The following PRDM5 variants were observed in gnomAD, a reference collection of about 807,000 sequenced individuals.
The protein encoded by PRDM5 is PR domain zinc finger protein 5.
Under a neutral mutation model 81.2 loss-of-function variants are expected in PRDM5, and 56 were observed. The ratio of observed to expected loss-of-function variants is 0.69; its 90% CI spans 0.56 to 0.86. The LOEUF (loss-of-function observed/expected upper bound fraction) is 0.86. Among genes scored for constraint, PRDM5 ranks in the 40% least tolerant of loss-of-function variants. The probability of loss-of-function intolerance (pLI) is 0.00; values close to 1 mark genes in which losing one functional copy is unlikely to be tolerated. For synonymous variants in PRDM5, 267 were observed against 256.4 expected (o/e 1.04, Z -0.39); for missense variants, 697 against 770.1 (o/e 0.91, Z 1.12).
At chr4:120,708,636 T>C (rs895567556) in intron 15 of PRDM5, among the ~76,000 whole-genome samples, 1 of 152,124 alleles carries the variant, frequency 6.6e-6, no homozygotes, top group Non-Finnish European at 1.5e-5. Context: ...TTATATCATG[T>C]GAATTTCACC....
intron 2 of PRDM5, among the ~76,000 whole-genome samples, chr4:120,862,950 G>A (rs1423921619): frequency 6.6e-6 from 1 of 151,700 alleles, no homozygotes; most frequent in Admixed American, 6.6e-5. Context: ...CTTGAGCCCA[G>A]GAGTTCGAGA....
chr4:120,746,754 C>G (rs202023676), intron 14 of PRDM5, among the ~76,000 whole-genome samples: 30,432 of 129,730 alleles, frequency 0.23, 4,155 homozygotes, highest in Middle Eastern at 0.31. Context: ...ACACCAGTTA[C>G]AATGGCAATC....
chr4:120,816,819 T>A lies in PRDM5; in HGVS notation c.743+13A>T. 6.2e-7 allele frequency: 1 copy of A among 1,608,464 alleles called. No homozygotes were observed. Among genetic ancestry groups the A allele is most frequent in the Non-Finnish European group, 8.5e-7 (1 of 1,174,870 alleles). On this transcript the variant is annotated intron_variant, in intron 6 of 15. Transcript: ENST00000264808. The stretch of plus-strand genomic sequence containing the variant: ...AATTATATAACAGCCATTTCATAAC[T>A]CAGACACAAAACCTCGATGCTGAAC...
intron 15 of PRDM5, among the ~76,000 whole-genome samples, chr4:120,706,818 T>C (rs1177403036): frequency 6.7e-6 from 1 of 149,296 alleles, no homozygotes; most frequent in Non-Finnish European, 1.5e-5. Flanking sequence ...AACAAACTGG[T>C]AACCATGATT....
intron 3 of PRDM5, among the ~76,000 whole-genome samples, chr4:120,850,193 G>A (rs942738974): frequency 3.9e-5 from 6 of 151,992 alleles, no homozygotes; most frequent in Middle Eastern, 3.4e-3. Flanking sequence ...AGTCACAAAT[G>A]TTTCTCATTT....
rs57275042 is a variant in PRDM5, at chr4:120,815,237, T to G, written c.865+1216A>C. Among the ~76,000 whole-genome samples, 657 of 151,536 alleles carry G rather than the reference T, an allele frequency of 4.3e-3. 2 individuals carry two copies. The highest frequency in any genetic ancestry group is 0.015 in the African/African-American group (617 of 40,876). On this transcript the variant is annotated intron_variant, in intron 7 of 15. Coordinates refer to ENST00000264808, the MANE Select transcript of PRDM5 (RefSeq NM_018699.4). ...TACGAAGGCAAGTCTATCAAAAAGT[T>G]ATGCTTGCCTTTTGCAATCATAGGG...
chr4:120,794,476 T>C (rs993253118), intron 10 of PRDM5, among the ~76,000 whole-genome samples: 3 of 151,578 alleles, frequency 2.0e-5, no homozygotes, highest in African/African-American at 7.3e-5. Flanking sequence ...TTAAATTGTT[T>C]GGCTATGACC....
At chr4:120,707,437 C>G (rs1242536898) in intron 15 of PRDM5, among the ~76,000 whole-genome samples, 1 of 151,256 alleles carries the variant, frequency 6.6e-6, no homozygotes, top group Non-Finnish European at 1.5e-5. Context: ...GATTTCTCAA[C>G]AAAATAAAGG....
chr4:120,688,438 ACT>A (rs1733914038), downstream of PRDM5, among the ~76,000 whole-genome samples: 1 of 151,466 alleles, frequency 6.6e-6, no homozygotes, highest in African/African-American at 2.4e-5. Flanking sequence ...GTTGCTTCTC[ACT>A]CTGATTATTT....
rs1760905519 is a variant in PRDM5 at position 120,863,814 on chromosome 4, T to C, written c.178-10274A>G. 2.6e-5 allele frequency among the ~76,000 whole-genome samples: 4 copies of C among 152,106 alleles called. No individual in the cohort carries two copies. In the South Asian group the frequency reaches 8.3e-4, roughly 32 times the overall value. On this transcript the variant is annotated intron_variant, in intron 2 of 15. Transcript: ENST00000264808. ...TCCACTGTAGAGAAAATTATAACAA[T>C]GAAAGAATGGTAAAGTAACTTAGTC...
rs543222803 is a variant in PRDM5 at position 120,706,154 on chromosome 4, C to T, written c.1728+4155G>A. ...TCGCCCAAGATGGCGTGCAGTGGCA[C>T]GATCTTGGCTCACTGAAACCTTAAA... On this transcript the variant is annotated intron_variant, in intron 15 of 15. Coordinates refer to ENST00000264808, the MANE Select transcript of PRDM5 (RefSeq NM_018699.4). 5.3e-5 allele frequency among the ~76,000 whole-genome samples: 8 copies of T among 151,370 alleles called. No individual in the cohort carries two copies. In the South Asian group the frequency reaches 1.0e-3, roughly 20 times the overall value.
chr4:120,777,063 G>A (rs1748265713), intron 13 of PRDM5, 125 bp downstream of exon 13: 7 of 1,547,374 alleles, frequency 4.5e-6, no homozygotes, highest in Admixed American at 3.8e-5. Context: ...TGCTTTAAGA[G>A]AGAGAAAACA....
intron 3 of PRDM5, among the ~76,000 whole-genome samples, chr4:120,831,331 C>A (rs538349090): frequency 6.6e-6 from 1 of 152,192 alleles, no homozygotes; most frequent in South Asian, 2.1e-4. Flanking sequence ...CACCTGAAGT[C>A]TTCTCAATTA....
intron 2 of PRDM5, among the ~76,000 whole-genome samples, chr4:120,894,742 C>T (rs1458911621): frequency 6.6e-6 from 1 of 152,054 alleles, no homozygotes; most frequent in Non-Finnish European, 1.5e-5. Flanking sequence ...TGAAAAGGGA[C>T]AAAATTAAAA....
chr4:120,699,185 TATATATATATA>T (rs1734979147), intron 15 of PRDM5, among the ~76,000 whole-genome samples: 5 of 114,294 alleles, frequency 4.4e-5, no homozygotes, highest in Admixed American at 9.9e-5. Flanking sequence ...TATATATATA[TATATATATATA>T]TATATATATT....
intron 14 of PRDM5, among the ~76,000 whole-genome samples, chr4:120,711,023 C>T (rs907071445): frequency 6.6e-6 from 1 of 152,158 alleles, no homozygotes; most frequent in African/African-American, 2.4e-5. Flanking sequence ...GCTACATTTC[C>T]TCCAATGATG....
At chr4:120,708,573 A>G (rs1736518179) in intron 15 of PRDM5, among the ~76,000 whole-genome samples, 1 of 152,090 alleles carries the variant, frequency 6.6e-6, no homozygotes, top group Admixed American at 6.6e-5. Flanking sequence ...TGCTTGTACA[A>G]CACAGTCAAT....
intron 3 of PRDM5, among the ~76,000 whole-genome samples, chr4:120,850,555 C>T (rs1286657337): frequency 6.6e-6 from 1 of 152,058 alleles, no homozygotes; most frequent in East Asian, 1.9e-4. Flanking sequence ...GGTAGCAGTG[C>T]ACTGCATCCC....
At chr4:120,772,493 T>A (rs1277250787) in intron 13 of PRDM5, among the ~76,000 whole-genome samples, 1 of 152,206 alleles carries the variant, frequency 6.6e-6, no homozygotes, top group Non-Finnish European at 1.5e-5. Flanking sequence ...GCAAAGGCAA[T>A]GCCAATGGAC....
Sources: gnomAD v4.1 joint callset for allele counts (sites outside exome capture counted in the v4.1 genomes callset) on GRCh38, gnomAD v4.1.1 for gene constraint, MANE v1.5 for transcripts, NCBI Gene and HGNC (gene_info 2026-07-23, HGNC 2026-07-21) for gene names.